TAS2R1: variants seen among roughly 807,000 people sequenced by gnomAD.
TAS2R1 encodes the protein taste receptor type 2 member 1.
For missense variants in TAS2R1, 370 were observed against 353.4 expected (o/e 1.05, Z -0.38); for synonymous variants, 141 against 134.2 (o/e 1.05, Z -0.35).
chr5:9,677,229 G>A (rs1034412005), intron 1 of TAS2R1, among the ~76,000 whole-genome samples: 4 of 152,136 alleles, frequency 2.6e-5, no homozygotes, highest in Non-Finnish European at 4.4e-5. Flanking sequence ...CACATAGACC[G>A]GAACAACACA....
In TAS2R1 at chr5:9,646,995, T is replaced by A. The variant is rs985316019; in HGVS notation, c.-81+12426A>T. ...TTTGTCATAGCGTATAAAATATTAT[T>A]CCATCTACCCATATTTGTGGACATT... On this transcript the variant is annotated intron_variant, in intron 2 of 2. Coordinates refer to the TAS2R1 transcript ENST00000506620. Among the ~76,000 whole-genome samples the A allele has an allele frequency of 8.5e-5, 13 of 152,246 alleles. No individual in the cohort carries two copies. The East Asian group carries it at 2.5e-3, about 29-fold the overall frequency.
At chr5:9,681,718 C>G (rs1285079891) in intron 1 of TAS2R1, among the ~76,000 whole-genome samples, 1 of 152,052 alleles carries the variant, frequency 6.6e-6, no homozygotes, top group Non-Finnish European at 1.5e-5. Context: ...GGAACCTCTT[C>G]TCTGTGCAAT....
At chr5:9,782,885 GTAAAACC>G in the TAS2R1 span, among the ~76,000 whole-genome samples, 12 of 152,298 alleles carry the variant, frequency 7.9e-5, no homozygotes, top group African/African-American at 2.9e-4. Flanking sequence ...ACAAGCTTCA[GTAAAACC>G]CAGGAAAACC....
chr5:9,902,316 T>C, the TAS2R1 span, among the ~76,000 whole-genome samples: 7 of 152,064 alleles, frequency 4.6e-5, no homozygotes, highest in African/African-American at 7.2e-5. Context: ...AGAATGTTAC[T>C]GTGCTTTTGG....
chr5:9,693,617 T>G (rs1279877816), intron 1 of TAS2R1, among the ~76,000 whole-genome samples: 1 of 148,084 alleles, frequency 6.8e-6, no homozygotes, highest in Non-Finnish European at 1.5e-5. Context: ...CTTCCTCAAG[T>G]CTGTTTTTTT....
chr5:9,882,825 T>C, the TAS2R1 span, among the ~76,000 whole-genome samples: 1 of 152,158 alleles, frequency 6.6e-6, no homozygotes, highest in Non-Finnish European at 1.5e-5. Flanking sequence ...TTACTAGGTA[T>C]ATACCCAAAG....
At chr5:9,670,515 T>C (rs1422770337) in intron 1 of TAS2R1, among the ~76,000 whole-genome samples, 1 of 152,216 alleles carries the variant, frequency 6.6e-6, no homozygotes, top group African/African-American at 2.4e-5. Flanking sequence ...GTGGCTGCAC[T>C]GGCATCTCTC....
chr5:9,839,782 G>T, the TAS2R1 span, among the ~76,000 whole-genome samples: 1 of 151,838 alleles, frequency 6.6e-6, no homozygotes, highest in African/African-American at 2.4e-5. Flanking sequence ...TTTTTTTTAA[G>T]GTAGTCCATT....
the TAS2R1 span, among the ~76,000 whole-genome samples, chr5:9,762,870 A>G: frequency 6.6e-6 from 1 of 152,206 alleles, no homozygotes; most frequent in Admixed American, 6.5e-5. Context: ...CCTAAATTGG[A>G]AACAGAAAGA....
the TAS2R1 span, among the ~76,000 whole-genome samples, chr5:9,900,610 C>T: frequency 7.1e-6 from 1 of 141,612 alleles, no homozygotes; most frequent in Non-Finnish European, 1.5e-5. Context: ...GATACACTTG[C>T]TCAAATGGTT....
chr5:9,629,951 C>A lies in TAS2R1; in HGVS notation c.82G>T (p.Val28Leu). The A allele has an allele frequency of 8.1e-6, 13 of 1,610,724 alleles. No individual in the cohort carries two copies. The highest frequency in any genetic ancestry group is 1.1e-5 in the Non-Finnish European group (13 of 1,178,924). The change falls in exon 1 of 1, where the codon GTG (valine) becomes TTG (leucine). Residue 28 changes from valine (V) to leucine (L), a missense_variant. Coordinates refer to ENST00000382492, the MANE Select transcript of TAS2R1 (RefSeq NM_019599.3). ...ATCAAGTCAATGCCATTCACCACCA[C>A]AATGATGCCATTTGTGAAAATCCCA... ...LLGIFTNGII[V>L]VVNGIDLIKH...
At chr5:9,723,843 T>A in the TAS2R1 span, among the ~76,000 whole-genome samples, 1 of 152,172 alleles carries the variant, frequency 6.6e-6, no homozygotes, top group East Asian at 1.9e-4. Context: ...GGGAGGAGCT[T>A]TGCACTGGAT....
At chr5:9,647,272 T>C (rs1740208904) in intron 2 of TAS2R1, among the ~76,000 whole-genome samples, 1 of 152,234 alleles carries the variant, frequency 6.6e-6, no homozygotes. Flanking sequence ...ACCCAAGGAC[T>C]ATTCAGATGT....
At chr5:9,880,868 T>C in the TAS2R1 span, among the ~76,000 whole-genome samples, 2 of 152,132 alleles carry the variant, frequency 1.3e-5, no homozygotes, top group Non-Finnish European at 2.9e-5. Flanking sequence ...AGATGCCATA[T>C]ACCAGATAAA....
At chr5:9,864,491 G>C in the TAS2R1 span, among the ~76,000 whole-genome samples, 9 of 152,034 alleles carry the variant, frequency 5.9e-5, no homozygotes, top group Middle Eastern at 3.4e-3. Context: ...AAATTAGCTG[G>C]GCATGGTGGC....
chr5:9,734,480 T>C, the TAS2R1 span, among the ~76,000 whole-genome samples: 60 of 151,902 alleles, frequency 3.9e-4, 1 homozygote, highest in Non-Finnish European at 6.5e-4. Context: ...ATCTACTTAG[T>C]ACTGACTGAA....
chr5:9,694,743 G>A (rs768544510), intron 1 of TAS2R1, among the ~76,000 whole-genome samples: 3 of 152,186 alleles, frequency 2.0e-5, no homozygotes, highest in Non-Finnish European at 2.9e-5. Flanking sequence ...ATTAATAACT[G>A]TTGAAACAAT....
the TAS2R1 span, among the ~76,000 whole-genome samples, chr5:9,900,639 T>TTTTTTTTTG: frequency 7.3e-6 from 1 of 136,392 alleles, no homozygotes; most frequent in East Asian, 2.3e-4. Flanking sequence ...TTTTTTTTTT[T>TTTTTTTTTG]AGACGGAGTC....
the TAS2R1 span, among the ~76,000 whole-genome samples, chr5:9,724,059 T>C: frequency 1.3e-4 from 20 of 152,224 alleles, no homozygotes; most frequent in Non-Finnish European, 4.4e-5. Flanking sequence ...AAAGGGCTTC[T>C]TCGTGAAGAC....
Sources: gnomAD v4.1 joint callset for allele counts (sites outside exome capture counted in the v4.1 genomes callset) on GRCh38, gnomAD v4.1.1 for gene constraint, MANE v1.5 for transcripts, NCBI Gene and HGNC (gene_info 2026-07-23, HGNC 2026-07-21) for gene names.